CARMIL1: variants seen among roughly 807,000 people sequenced by gnomAD.
The protein encoded by CARMIL1 is F-actin-uncapping protein LRRC16A.
In CARMIL1, 90 loss-of-function variants were observed where a neutral mutation model predicts 177.1. The ratio of observed to expected loss-of-function variants is 0.51; its 90% CI spans 0.43 to 0.61. The LOEUF is 0.61. Among genes scored for constraint, CARMIL1 ranks in the 20% least tolerant of loss-of-function variants. The pLI is 0.00. For missense variants in CARMIL1, 1,380 were observed against 1,667.0 expected (o/e 0.83, Z 3.00); for synonymous variants, 577 against 606.2 (o/e 0.95, Z 0.71).
At chr6:25,306,148 A>G (rs1184794620) in intron 2 of CARMIL1, among the ~76,000 whole-genome samples, 1 of 152,100 alleles carries the variant, frequency 6.6e-6, no homozygotes, top group Middle Eastern at 3.2e-3. Context: ...AACAGAAAAT[A>G]TCCCTATTTG....
intron 26 of CARMIL1, among the ~76,000 whole-genome samples, chr6:25,547,629 G>A (rs1809642523): frequency 6.6e-6 from 1 of 152,068 alleles, no homozygotes; most frequent in Admixed American, 6.5e-5. Context: ...CAGGCCCTGG[G>A]GATGTAAGAT....
At chr6:25,315,815 T>C (rs1410744305) in intron 2 of CARMIL1, among the ~76,000 whole-genome samples, 1 of 152,280 alleles carries the variant, frequency 6.6e-6, no homozygotes, top group East Asian at 1.9e-4. Context: ...ATAGGCACCC[T>C]CTAGTCCCTT....
intron 2 of CARMIL1, among the ~76,000 whole-genome samples, chr6:25,362,795 G>T (rs2150399618): frequency 6.6e-6 from 1 of 152,308 alleles, no homozygotes; most frequent in South Asian, 2.1e-4. Flanking sequence ...CACACTTTGG[G>T]AGGCCAAGGC....
At chr6:25,368,641 G>C (rs770064709) in intron 2 of CARMIL1, among the ~76,000 whole-genome samples, 2 of 152,206 alleles carry the variant, frequency 1.3e-5, no homozygotes, top group African/African-American at 2.4e-5. Flanking sequence ...TGGCAGTTCT[G>C]TGAATCACCC....
intron 23 of CARMIL1, among the ~76,000 whole-genome samples, chr6:25,524,736 A>T (rs935211148): frequency 1.3e-5 from 2 of 152,324 alleles, no homozygotes; most frequent in East Asian, 3.9e-4. Flanking sequence ...AAAAGCAGAC[A>T]ACATGCAAGA....
intron 29 of CARMIL1, among the ~76,000 whole-genome samples, chr6:25,564,805 G>GT (rs1295218808): frequency 6.6e-6 from 1 of 152,032 alleles, no homozygotes; most frequent in Non-Finnish European, 1.5e-5. Context: ...TTACATATGG[G>GT]CCTCAGCTCA....
chr6:25,539,858 A>C, intron 25 of CARMIL1, 89 bp from the exon 26 acceptor site: 25 of 984,794 alleles, frequency 2.5e-5, no homozygotes, highest in Non-Finnish European at 3.5e-5. Flanking sequence ...CCCTAACAGT[A>C]TTCCTTCACC....
chr6:25,545,905 T>C (rs1023572612), intron 26 of CARMIL1, among the ~76,000 whole-genome samples: 3 of 152,084 alleles, frequency 2.0e-5, no homozygotes, highest in Admixed American at 1.3e-4. Flanking sequence ...AACCAGTACT[T>C]AGGGTGAAAT....
intron 2 of CARMIL1, among the ~76,000 whole-genome samples, chr6:25,366,721 C>G (rs2150414257): frequency 6.6e-6 from 1 of 151,864 alleles, no homozygotes; most frequent in East Asian, 1.9e-4. Flanking sequence ...TAACAGCACC[C>G]TCTTACAGGA....
intron 15 of CARMIL1, among the ~76,000 whole-genome samples, chr6:25,493,534 T>C (rs1193125318): frequency 6.6e-6 from 1 of 152,168 alleles, no homozygotes; most frequent in Non-Finnish European, 1.5e-5. Flanking sequence ...GCATATAACC[T>C]TCACTCCAGG....
rs556578583 is a variant in CARMIL1 at position 25,291,356 on chromosome 6, C to T, written c.138+6447C>T. ...AGGACATGAAAAAAGAAATATCTCTCATATAGAAGTTTTGGAAGTATTTGA... is the reference window on the plus strand; with the variant it reads ...AGGACATGAAAAAAGAAATATCTCTTATATAGAAGTTTTGGAAGTATTTGA... On this transcript the variant is annotated intron_variant, in intron 2 of 36. Coordinates refer to ENST00000329474, the MANE Select transcript of CARMIL1 (RefSeq NM_017640.6). 4.6e-5 allele frequency among the ~76,000 whole-genome samples: 7 copies of T among 152,218 alleles called. No homozygotes were observed. In the South Asian group the frequency reaches 1.2e-3, roughly 27 times the overall value.
Position 25,556,966 on chromosome 6 carries a change from C to G in CARMIL1, c.2742+116C>G, listed in dbSNP as rs1022452201. On this transcript the variant is annotated intron_variant, in intron 29 of 36. Transcript: ENST00000329474. The stretch of plus-strand genomic sequence containing the variant: ...CAGACCAAACAAAACACTGTCCCCA[C>G]CCTCAGACAATTCTTTCAGAAAAGT... 13 of 1,044,410 alleles carry G rather than the reference C, an allele frequency of 1.2e-5. No homozygotes were observed. The African/African-American group carries it at 1.5e-4, about 12-fold the overall frequency. 64.7% of individuals were successfully genotyped at this position (1,044,410 alleles called of 1,614,324 possible).
chr6:25,434,548 G>A lies in CARMIL1; in HGVS notation c.250-935G>A, dbSNP rs974775404. On this transcript the variant is annotated intron_variant, in intron 4 of 36. Coordinates refer to ENST00000329474, the MANE Select transcript of CARMIL1 (RefSeq NM_017640.6). ...TTTTTTTTTTTTTTTTTTTTTAGACGGAGTCTTGCTCTGTCATCAGGCTGG... is the reference window on the plus strand; with the variant it reads ...TTTTTTTTTTTTTTTTTTTTTAGACAGAGTCTTGCTCTGTCATCAGGCTGG... Among the ~76,000 whole-genome samples, 12 of 138,168 alleles carry A rather than the reference G, an allele frequency of 8.7e-5. No homozygotes were observed. The East Asian group carries it at 1.7e-3, about 19-fold the overall frequency. The allele number at this position is 138,168 out of a possible 152,430, so 90.6% of individuals were successfully genotyped here.
At chr6:25,427,441 C>A (rs1030993995) in intron 4 of CARMIL1, among the ~76,000 whole-genome samples, 1 of 152,062 alleles carries the variant, frequency 6.6e-6, no homozygotes, top group Non-Finnish European at 1.5e-5. Flanking sequence ...TATTACAGTT[C>A]GTTTATCCAT....
chr6:25,416,379 C>G (rs1208816833), intron 2 of CARMIL1, among the ~76,000 whole-genome samples: 1 of 152,166 alleles, frequency 6.6e-6, no homozygotes, highest in African/African-American at 2.4e-5. Context: ...CCAACTGCCA[C>G]CTACTTGCTG....
At chr6:25,446,893 A>T (rs1798285792) in intron 5 of CARMIL1, among the ~76,000 whole-genome samples, 1 of 152,264 alleles carries the variant, frequency 6.6e-6, no homozygotes, top group South Asian at 2.1e-4. Context: ...TGAAAGGGAG[A>T]GACAGAGAGG....
At chr6:25,283,542 A>G (rs1781304373) in intron 1 of CARMIL1, among the ~76,000 whole-genome samples, 1 of 152,064 alleles carries the variant, frequency 6.6e-6, no homozygotes, top group African/African-American at 2.4e-5. Context: ...ATTTTGAGGT[A>G]CTCATGGGAG....
chr6:25,492,025 G>A lies in CARMIL1; in HGVS notation c.1220+1G>A, dbSNP rs1803288996. On this transcript the variant is annotated splice_donor_variant, in intron 15 of 36. Coordinates refer to ENST00000329474, the MANE Select transcript of CARMIL1 (RefSeq NM_017640.6). LOFTEE classifies it high-confidence loss of function. Reference sequence around the variant, plus strand: ...TCTCCAGAACTGTCTTCTCTCACCGGTATAGATTTATTTCTGCTCTCATTG... The same window carrying A: ...TCTCCAGAACTGTCTTCTCTCACCGATATAGATTTATTTCTGCTCTCATTG... The A allele has an allele frequency of 6.2e-7, 1 of 1,611,576 alleles. No individual in the cohort carries two copies. The highest frequency in any genetic ancestry group is 1.3e-5 in the African/African-American group (1 of 74,760).
At chr6:25,534,038 G>A (rs1808035020) in intron 24 of CARMIL1, among the ~76,000 whole-genome samples, 1 of 151,588 alleles carries the variant, frequency 6.6e-6, no homozygotes, top group African/African-American at 2.4e-5. Context: ...CCTGTCCAGT[G>A]GCTGCAAAAG....
Sources: gnomAD v4.1 joint callset for allele counts (sites outside exome capture counted in the v4.1 genomes callset) on GRCh38, gnomAD v4.1.1 for gene constraint, MANE v1.5 for transcripts, NCBI Gene and HGNC (gene_info 2026-07-23, HGNC 2026-07-21) for gene names.